OR51B5: variants seen among roughly 807,000 people sequenced by gnomAD.
The protein encoded by OR51B5 is olfactory receptor 51B5.
For synonymous variants in OR51B5, 186 were observed against 144.8 expected (o/e 1.28, Z -2.04); for missense variants, 456 against 374.6 (o/e 1.22, Z -1.79).
intron 1 of OR51B5, among the ~76,000 whole-genome samples, chr11:5,408,352 CT>C (rs1199448784): frequency 1.8e-4 from 10 of 54,136 alleles, no homozygotes; most frequent in East Asian, 5.4e-4. Context: ...CCCTTCCTCC[CT>C]TCCTCCCTTC....
intron 1 of OR51B5, among the ~76,000 whole-genome samples, chr11:5,480,367 G>A (rs1214545308): frequency 2.0e-5 from 3 of 151,942 alleles, no homozygotes; most frequent in Admixed American, 2.0e-4. Context: ...AGTGTGTAGA[G>A]GGAAACTTAT....
chr11:5,420,764 A>G (rs1415450664), intron 1 of OR51B5, among the ~76,000 whole-genome samples: 2 of 152,162 alleles, frequency 1.3e-5, no homozygotes, highest in East Asian at 3.9e-4. Flanking sequence ...TTTTGTGGGA[A>G]TTGAGAGATG....
intron 1 of OR51B5, chr11:5,352,488 G>A: frequency 1.6e-6 from 2 of 1,252,590 alleles, no homozygotes; most frequent in Non-Finnish European, 2.2e-6. Flanking sequence ...AGGGGACCTG[G>A]ACAGGATGAC....
rs570399535 is a variant in OR51B5, at chr11:5,388,680, C to A, written n.85-41770G>T. On this transcript the variant is annotated intron_variant and non_coding_transcript_variant, in intron 1 of 4. Transcript: ENST00000415970. ...GTAGGGTCTTGAATGTCATTTTAAA[C>A]CTTTTTTACTTCATTAAAAACTTGT... Among the ~76,000 whole-genome samples the A allele has an allele frequency of 9.2e-5, 14 of 151,462 alleles. No homozygotes were observed. In the South Asian group the frequency reaches 2.5e-3, roughly 27 times the overall value.
chr11:5,361,890 CTA>C lies in OR51B5; in HGVS notation n.85-14982_85-14981del, dbSNP rs968719565. On this transcript the variant is annotated intron_variant and non_coding_transcript_variant, in intron 1 of 4. Transcript: ENST00000415970. ...GCATAAACCAGCTTCCTCTTTGCCT[CTA>C]TGTGTTCTACCAAGTACTTACTCCC... is the stretch of plus-strand genomic sequence containing the variant. Among the ~76,000 whole-genome samples, 28 of 151,878 alleles carry C rather than the reference CTA, an allele frequency of 1.8e-4. 1 individual carries two copies. The highest frequency in any genetic ancestry group is 1.5e-5 in the Non-Finnish European group (1 of 67,970).
At chr11:5,479,164 C>T (rs7123189) in intron 1 of OR51B5, among the ~76,000 whole-genome samples, 8,257 of 145,422 alleles carry the variant, frequency 0.057, 362 homozygotes, top group African/African-American at 0.12. Flanking sequence ...GCGGATCTCT[C>T]GGCAGAAACC....
chr11:5,452,374 C>T lies in OR51B5; in HGVS notation n.84+53195G>A, dbSNP rs1460863658. ...AAAAAAAATTAGCCGGGCATGGTGG[C>T]GGGAGCCTGTAGTCCCAACTACTCG... On this transcript the variant is annotated intron_variant and non_coding_transcript_variant, in intron 1 of 4. Coordinates refer to the OR51B5 transcript ENST00000415970. Among the ~76,000 whole-genome samples the T allele has an allele frequency of 2.0e-5, 3 of 151,772 alleles. 1 individual carries two copies. The highest frequency in any genetic ancestry group is 2.1e-4 in the South Asian group (1 of 4,792).
At chr11:5,414,225 C>A (rs1487013406) in intron 1 of OR51B5, among the ~76,000 whole-genome samples, 1 of 151,526 alleles carries the variant, frequency 6.6e-6, no homozygotes, top group African/African-American at 2.4e-5. Context: ...TACAGACAAG[C>A]AAATGCTGAG....
intron 1 of OR51B5, among the ~76,000 whole-genome samples, chr11:5,361,800 T>G (rs749095623): frequency 3.3e-4 from 50 of 152,192 alleles, no homozygotes; most frequent in Non-Finnish European, 6.6e-4. Flanking sequence ...TACAGAATGA[T>G]ATCTCTGGTG....
rs374443387 is a variant in OR51B5 at position 5,442,367 on chromosome 11, A to G, written n.84+63202T>C. 3.3e-5 allele frequency among the ~76,000 whole-genome samples: 5 copies of G among 152,284 alleles called. No homozygotes were observed. In the South Asian group the frequency reaches 1.0e-3, roughly 32 times the overall value. On this transcript the variant is annotated intron_variant and non_coding_transcript_variant, in intron 1 of 4. Coordinates refer to the OR51B5 transcript ENST00000415970. ...ATTCATTCTTAACCTCTATTTTCTG[A>G]GAAAGAGATTTCTCTCCTTCTCCAA...
chr11:5,452,749 T>G (rs1394058178), intron 1 of OR51B5, among the ~76,000 whole-genome samples: 1 of 152,184 alleles, frequency 6.6e-6, no homozygotes, highest in Non-Finnish European at 1.5e-5. Flanking sequence ...AAGTTTGTAT[T>G]TGGAACAATG....
chr11:5,374,850 G>C (rs371358367), intron 1 of OR51B5, among the ~76,000 whole-genome samples: 2 of 152,196 alleles, frequency 1.3e-5, no homozygotes, highest in African/African-American at 2.4e-5. Flanking sequence ...ATCAAATCTA[G>C]GTCTGATTGG....
At chr11:5,452,659 T>C (rs10838134) in intron 1 of OR51B5, among the ~76,000 whole-genome samples, 60,077 of 151,460 alleles carry the variant, frequency 0.4, 13,132 homozygotes, top group Non-Finnish European at 0.5. Context: ...GCTTTCTTAC[T>C]ACCTGTTGTG....
chr11:5,496,574 T>G (rs2133818179), intron 1 of OR51B5, among the ~76,000 whole-genome samples: 1 of 152,270 alleles, frequency 6.6e-6, no homozygotes, highest in South Asian at 2.1e-4. Context: ...CCTGTCCCAA[T>G]CCCGATAACA....
chr11:5,363,269 AC>A (rs1564921986), intron 1 of OR51B5, among the ~76,000 whole-genome samples: 4 of 57,266 alleles, frequency 7.0e-5, no homozygotes, highest in African/African-American at 2.6e-4. Flanking sequence ...ACACACACAC[AC>A]ACACACACAC....
Position 5,431,107 on chromosome 11 carries a change from C to T in OR51B5, n.84+74462G>A, listed in dbSNP as rs1420520938. The T allele has an allele frequency of 9.5e-6, 4 of 421,952 alleles. No homozygotes were observed. In the East Asian group the frequency reaches 2.8e-4, roughly 30 times the overall value. 26.1% of individuals were successfully genotyped at this position (421,952 alleles called of 1,614,324 possible). ...ATTAGTGTGGCAATAGGGCAGTTGCCTCAAAAGGATTGGAAGTGGGGCCAT... is the reference window on the plus strand; with the variant it reads ...ATTAGTGTGGCAATAGGGCAGTTGCTTCAAAAGGATTGGAAGTGGGGCCAT... On this transcript the variant is annotated intron_variant and non_coding_transcript_variant, in intron 1 of 4. Transcript: ENST00000415970.
intron 1 of OR51B5, chr11:5,351,875 C>T: frequency 6.2e-7 from 1 of 1,613,108 alleles, no homozygotes; most frequent in East Asian, 2.2e-5. Context: ...TGTTTCATTA[C>T]CATCCGCAGC....
chr11:5,361,776 A>G (rs2133698313), intron 1 of OR51B5, among the ~76,000 whole-genome samples: 1 of 152,296 alleles, frequency 6.6e-6, no homozygotes, highest in African/African-American at 2.4e-5. Flanking sequence ...AATCAAGTTG[A>G]AAATCCACGG....
At chr11:5,454,081 A>G (rs757591328) in intron 1 of OR51B5, 8 of 1,614,000 alleles carry the variant, frequency 5.0e-6, no homozygotes, top group South Asian at 1.1e-5. Flanking sequence ...AACAGCATCT[A>G]TGGACTCTTT....
Sources: gnomAD v4.1 joint callset for allele counts (sites outside exome capture counted in the v4.1 genomes callset) on GRCh38, gnomAD v4.1.1 for gene constraint, MANE v1.5 for transcripts, NCBI Gene and HGNC (gene_info 2026-07-23, HGNC 2026-07-21) for gene names.